The following DAB1 variants were observed in gnomAD, a reference collection of about 807,000 sequenced individuals.
The protein encoded by DAB1 is DAB adaptor protein 1.
In DAB1, 15 loss-of-function variants were observed where a neutral mutation model predicts 64.6. The observed-to-expected ratio is 0.23, with a 90% CI of 0.16 to 0.36. The LOEUF is 0.36. Among genes scored for constraint, DAB1 ranks in the 10% least tolerant of loss-of-function variants. The pLI is 1.00. For synonymous variants in DAB1, 235 were observed against 251.9 expected, an observed-to-expected ratio of 0.93 and a Z score of 0.64; for missense variants, 596 against 706.7, an observed-to-expected ratio of 0.84 and a Z score of 1.78.
chr1:58,108,226 A>G lies in DAB1; in HGVS notation n.387+42285T>C, dbSNP rs368118886. On this transcript the variant is annotated intron_variant and non_coding_transcript_variant, in intron 5 of 20. Coordinates refer to the DAB1 transcript ENST00000485760. ...TTTTGAGAATGAGCCCAAACAGAGG[A>G]GACTGAAGCTGTAGGGAGGGCCCTG... is the stretch of plus-strand genomic sequence containing the variant. Among the ~76,000 whole-genome samples the G allele has an allele frequency of 7.8e-4, 119 of 152,302 alleles. 1 individual carries two copies. Among genetic ancestry groups the G allele is most frequent in the African/African-American group, 2.8e-3 (118 of 41,584 alleles).
At chr1:58,308,978 T>C (rs1662369194) in intron 4 of DAB1, among the ~76,000 whole-genome samples, 1 of 152,172 alleles carries the variant, frequency 6.6e-6, no homozygotes, top group African/African-American at 2.4e-5. Context: ...AAAGAGTAGC[T>C]GAAGGATCTT....
chr1:57,751,859 A>AATAAATAT (rs1648569505), intron 6 of DAB1, among the ~76,000 whole-genome samples: 1 of 152,168 alleles, frequency 6.6e-6, no homozygotes, highest in South Asian at 2.1e-4. Context: ...TAAATAAATA[A>AATAAATAT]GACAAACCTG....
chr1:57,555,092 C>A (rs2805852), intron 7 of DAB1, among the ~76,000 whole-genome samples: 1 of 140,986 alleles, frequency 7.1e-6, no homozygotes, highest in African/African-American at 2.7e-5. Context: ...TGGAGTGCAG[C>A]GGCACTATCT....
intron 5 of DAB1, among the ~76,000 whole-genome samples, chr1:58,079,009 C>G (rs139526110): frequency 1.3e-5 from 2 of 152,144 alleles, no homozygotes; most frequent in Non-Finnish European, 2.9e-5. Flanking sequence ...AGGATCAAGA[C>G]GGAAGAGCAG....
chr1:57,715,987 T>C (rs1256378290), intron 6 of DAB1, among the ~76,000 whole-genome samples: 1 of 152,212 alleles, frequency 6.6e-6, no homozygotes, highest in Admixed American at 6.5e-5. Context: ...CTCGGCTCAC[T>C]GCAACCTCTG....
intron 5 of DAB1, among the ~76,000 whole-genome samples, chr1:57,975,544 G>A (rs1645898446): frequency 6.6e-6 from 1 of 152,196 alleles, no homozygotes; most frequent in Non-Finnish European, 1.5e-5. Flanking sequence ...GGAAAAGAAT[G>A]TGCAAGATAT....
intron 5 of DAB1, among the ~76,000 whole-genome samples, chr1:57,941,885 T>C (rs925142758): frequency 2.0e-5 from 3 of 152,112 alleles, no homozygotes; most frequent in Admixed American, 2.0e-4. Context: ...AAGGTACTAA[T>C]AAGTTTGGAA....
At chr1:57,336,077 A>G (rs1233426845) in intron 1 of DAB1, among the ~76,000 whole-genome samples, 1 of 152,214 alleles carries the variant, frequency 6.6e-6, no homozygotes, top group Non-Finnish European at 1.5e-5. Context: ...GCAGTTGTGC[A>G]TTTACATTCA....
intron 5 of DAB1, among the ~76,000 whole-genome samples, chr1:58,139,417 A>T (rs1011513879): frequency 6.6e-6 from 1 of 152,194 alleles, no homozygotes; most frequent in Admixed American, 6.5e-5. Flanking sequence ...CGATCATGGC[A>T]AAAGGAGAAG....
At chr1:57,526,647 T>C (rs184270207) in intron 7 of DAB1, among the ~76,000 whole-genome samples, 8 of 152,348 alleles carry the variant, frequency 5.3e-5, no homozygotes. Flanking sequence ...AAGTATTTGC[T>C]GACTATCTAC....
At chr1:57,106,358 A>C (rs1160285346) in intron 4 of DAB1, among the ~76,000 whole-genome samples, 2 of 151,748 alleles carry the variant, frequency 1.3e-5, no homozygotes, top group Non-Finnish European at 2.9e-5. Context: ...ATCTCTACAC[A>C]GCGGGTGGAA....
chr1:57,691,484 G>A (rs1053837105), intron 6 of DAB1, among the ~76,000 whole-genome samples: 2 of 152,016 alleles, frequency 1.3e-5, no homozygotes, highest in African/African-American at 4.8e-5. Context: ...CCCCTTCCAT[G>A]CTGTGGAAGC....
At chr1:58,124,741 A>G (rs1443471774) in intron 5 of DAB1, among the ~76,000 whole-genome samples, 2 of 152,198 alleles carry the variant, frequency 1.3e-5, no homozygotes, top group Non-Finnish European at 2.9e-5. Flanking sequence ...TGCTTAGGCC[A>G]GTGTCTTTGC....
chr1:57,229,093 T>C (rs1427739009), intron 2 of DAB1, among the ~76,000 whole-genome samples: 9 of 152,154 alleles, frequency 5.9e-5, no homozygotes, highest in African/African-American at 2.2e-4. Context: ...AGAAACCCTC[T>C]TAGAAACATT....
intron 1 of DAB1, among the ~76,000 whole-genome samples, chr1:57,372,256 C>A (rs1332203371): frequency 6.6e-6 from 1 of 152,180 alleles, no homozygotes; most frequent in African/African-American, 2.4e-5. Flanking sequence ...TTTAATACCT[C>A]CTGATTCACA....
intron 3 of DAB1, among the ~76,000 whole-genome samples, chr1:57,140,643 A>C (rs1042655310): frequency 2.6e-5 from 4 of 152,214 alleles, no homozygotes; most frequent in African/African-American, 9.6e-5. Context: ...TTCTCACCTC[A>C]TAAGAGTGTT....
intron 4 of DAB1, among the ~76,000 whole-genome samples, chr1:58,221,900 C>T (rs754577143): frequency 3.3e-5 from 5 of 152,176 alleles, no homozygotes; most frequent in Non-Finnish European, 5.9e-5. Flanking sequence ...TGGCAGGTTC[C>T]ATAGTCCTAT....
At chr1:57,870,497 C>T (rs1229946958) in intron 1 of DAB1, among the ~76,000 whole-genome samples, 1 of 152,156 alleles carries the variant, frequency 6.6e-6, no homozygotes, top group Non-Finnish European at 1.5e-5. Context: ...CTTTCCACTA[C>T]AGGATCTTGG....
chr1:57,333,646 C>A (rs1370401244), intron 1 of DAB1, among the ~76,000 whole-genome samples: 5 of 152,250 alleles, frequency 3.3e-5, no homozygotes, highest in Non-Finnish European at 5.9e-5. Context: ...CAAAGCCACT[C>A]CAGCTCCCTA....
Sources: allele counts gnomAD v4.1 joint callset (sites outside exome capture counted in the v4.1 genomes callset), GRCh38; gene constraint gnomAD v4.1.1; transcripts MANE v1.5; gene names NCBI Gene and HGNC (gene_info 2026-07-23, HGNC 2026-07-21).